HIPK2: variants seen among roughly 807,000 people sequenced by gnomAD.
HIPK2 encodes the protein homeodomain interacting protein kinase 2.
A neutral mutation model predicts 113.7 loss-of-function variants in HIPK2; 27 were observed. The ratio of observed to expected loss-of-function variants is 0.24; its 90% confidence interval spans 0.17 to 0.33. The LOEUF (loss-of-function observed/expected upper bound fraction) is 0.33. Ranked by LOEUF, HIPK2 falls within the 10% of genes least tolerant of loss-of-function variation. The probability of loss-of-function intolerance (pLI) is 1.00; values close to 1 mark genes in which losing one functional copy is unlikely to be tolerated. For missense variants in HIPK2, 1,257 were observed against 1,588.0 expected, an observed-to-expected ratio of 0.79 and a Z score of 3.54; for synonymous variants, 631 against 642.2, an observed-to-expected ratio of 0.98 and a Z score of 0.26.
At chr7:139,701,768 G>C (rs2116851623) in intron 2 of HIPK2, among the ~76,000 whole-genome samples, 1 of 152,350 alleles carries the variant, frequency 6.6e-6, no homozygotes, top group Non-Finnish European at 1.5e-5. Flanking sequence ...AATCTCTTTT[G>C]GTTATGGCAA....
At position 139,562,582 on chromosome 7, in the gene HIPK2, A is replaced by AGTC. The variant is rs1484157813; in HGVS notation, c.*10342_*10344dup. 6.6e-6 allele frequency: 1 copy of AGTC among 152,300 alleles called. No individual in the cohort carries two copies. The highest frequency in any genetic ancestry group is 1.5e-5 in the Non-Finnish European group (1 of 68,074). 9.4% of individuals were successfully genotyped at this position (152,300 alleles called of 1,614,324 possible). A position where few individuals can be genotyped will look rare whatever the true frequency, so the allele number is the denominator to read the frequency against. On this transcript the variant is annotated 3_prime_UTR_variant, in exon 15 of 15. Transcript: ENST00000406875. The stretch of plus-strand genomic sequence containing the variant: ...AAAGCAAAACGGGATGGAAACTTCC[A>AGTC]GTCACTCTGATTTGTTGCCCCCGTC...
intron 1 of HIPK2, among the ~76,000 whole-genome samples, chr7:139,770,098 C>T (rs975196195): frequency 6.6e-6 from 1 of 152,166 alleles, no homozygotes; most frequent in African/African-American, 2.4e-5. Context: ...GAGTAGATGC[C>T]GTGACACAGA....
intron 1 of HIPK2, among the ~76,000 whole-genome samples, chr7:139,749,381 C>G (rs1313176602): frequency 6.6e-6 from 1 of 152,220 alleles, no homozygotes; most frequent in Non-Finnish European, 1.5e-5. Flanking sequence ...CAGCATGGAA[C>G]AGAAAAAACC....
intron 12 of HIPK2, among the ~76,000 whole-genome samples, chr7:139,595,727 C>T (rs949227732): frequency 1.3e-5 from 2 of 152,082 alleles, no homozygotes; most frequent in Non-Finnish European, 2.9e-5. Flanking sequence ...AGAATGTTTT[C>T]ATCAGTCTAT....
intron 7 of HIPK2, among the ~76,000 whole-genome samples, chr7:139,615,459 T>C (rs1309183393): frequency 6.6e-6 from 1 of 152,226 alleles, no homozygotes; most frequent in Non-Finnish European, 1.5e-5. Context: ...CCTTTCTTTT[T>C]CAGAAAAAGA....
At position 139,749,703 on chromosome 7, in the gene HIPK2, A is replaced by G. The variant is rs62491705; in HGVS notation, c.19+27902T>C. Among the ~76,000 whole-genome samples, 844 of 152,286 alleles carry G rather than the reference A, an allele frequency of 5.5e-3. 3 individuals are homozygous for G. Among genetic ancestry groups the G allele is most frequent in the Non-Finnish European group, 0.01 (683 of 68,012 alleles). Reference sequence around the variant, plus strand: ...GCCTCTGATTACACAGCTGCACTCTAACCATTTCCTAATACTGCCTCTCAA... The same window carrying G: ...GCCTCTGATTACACAGCTGCACTCTGACCATTTCCTAATACTGCCTCTCAA... On this transcript the variant is annotated intron_variant, in intron 1 of 14. Transcript: ENST00000406875.
intron 1 of HIPK2, among the ~76,000 whole-genome samples, chr7:139,745,551 G>A (rs1282816819): frequency 1.3e-5 from 2 of 152,164 alleles, no homozygotes; most frequent in African/African-American, 2.4e-5. Flanking sequence ...AATGTCTCCA[G>A]GGAATGTCCT....
In HIPK2 at chr7:139,573,142, G is replaced by A. The variant is rs945360375; in HGVS notation, c.3382C>T (p.Arg1128Cys). 1.9e-6 allele frequency: 3 copies of A among 1,611,558 alleles called. No homozygotes were observed. Among genetic ancestry groups the A allele is most frequent in the Admixed American group, 1.7e-5 (1 of 59,780 alleles). Residue 1128 changes from arginine (R) to cysteine (C), a missense_variant, in exon 15 of 15, where the codon CGC becomes TGC. By Grantham distance (180) the Arg-to-Cys change is radical. This residue lies in a region of HIPK2 where 862 missense variants were observed against 1,004.3 expected (regional missense o/e 0.86). Transcript: ENST00000406875. ...TAGGCAGTGTGCTGCACGGTGTGGCGCGCAGAGCCTTGCGAGGCCACCAGG... is the reference window on the plus strand; with the variant it reads ...TAGGCAGTGTGCTGCACGGTGTGGCACGCAGAGCCTTGCGAGGCCACCAGG... ...AHLVASQGSA[R>C]HTVQHTAYPA...
chr7:139,699,853 G>A (rs1253645737), intron 2 of HIPK2, among the ~76,000 whole-genome samples: 3 of 152,238 alleles, frequency 2.0e-5, no homozygotes, highest in African/African-American at 7.2e-5. Flanking sequence ...ATGCACAGAT[G>A]TGCCCTCCCG....
intron 2 of HIPK2, among the ~76,000 whole-genome samples, chr7:139,709,105 C>G (rs1794990247): frequency 6.6e-6 from 1 of 152,120 alleles, no homozygotes; most frequent in Admixed American, 6.5e-5. Flanking sequence ...GATAACCTAA[C>G]AGCCTACATA....
intron 1 of HIPK2, among the ~76,000 whole-genome samples, chr7:139,757,003 C>T (rs1487618846): frequency 6.6e-6 from 1 of 152,174 alleles, no homozygotes; most frequent in Admixed American, 6.5e-5. Flanking sequence ...ATTCAAAACT[C>T]CCTTTTCCCA....
At chr7:139,768,940 C>T (rs1796599507) in intron 1 of HIPK2, among the ~76,000 whole-genome samples, 1 of 152,182 alleles carries the variant, frequency 6.6e-6, no homozygotes, top group Non-Finnish European at 1.5e-5. Flanking sequence ...ATTGCTCTGG[C>T]CTCAGATTCT....
chr7:139,669,370 A>G (rs1440176738), intron 2 of HIPK2, among the ~76,000 whole-genome samples: 1 of 152,232 alleles, frequency 6.6e-6, no homozygotes, highest in African/African-American at 2.4e-5. Context: ...TTGTGACTGT[A>G]CATAATTAAA....
chr7:139,642,926 T>G (rs977721810), intron 2 of HIPK2, among the ~76,000 whole-genome samples: 8 of 152,060 alleles, frequency 5.3e-5, no homozygotes, highest in Non-Finnish European at 5.9e-5. Flanking sequence ...GGAGAGCTGC[T>G]GCAAGGGAAC....
rs1569450524 is a variant in HIPK2 at position 139,600,518 on chromosome 7, T to C, written c.2334A>G (p.Pro778=). 6.2e-7 allele frequency: 1 copy of C among 1,614,050 alleles called. No homozygotes were observed. The highest frequency in any genetic ancestry group is 8.5e-7 in the Non-Finnish European group (1 of 1,179,904). The change falls in exon 11 of 15, where the codon CCA becomes CCG. Residue 778 remains proline (P), a synonymous_variant. Transcript: ENST00000406875. ...CACCCACATTTAAGGGCTGTGCTGC[T>C]GGAAGGGTCACATGACCGGTCAATA... The part of the protein sequence containing the change: ...PALLTGHVTL[P]AAQPLNVGVA...
At chr7:139,690,451 G>A (rs997718134) in intron 2 of HIPK2, among the ~76,000 whole-genome samples, 1 of 152,112 alleles carries the variant, frequency 6.6e-6, no homozygotes, top group Non-Finnish European at 1.5e-5. Flanking sequence ...TTTGGGTCAT[G>A]GGGACAGATC....
In HIPK2 at chr7:139,631,050, C is replaced by T; in HGVS notation, c.1347+115G>A. The T allele has an allele frequency of 7.4e-7, 1 of 1,357,266 alleles. No homozygotes were observed. The highest frequency in any genetic ancestry group is 9.9e-7 in the Non-Finnish European group (1 of 1,012,958). The allele number at this position is 1,357,266 out of a possible 1,614,324, so 84.1% of individuals were successfully genotyped here. A position where few individuals can be genotyped will look rare whatever the true frequency, so the allele number is the denominator to read the frequency against. On this transcript the variant is annotated intron_variant, in intron 4 of 14. Transcript: ENST00000406875. The surrounding 1 kb of genome is among the most constrained non-coding windows in gnomAD (Gnocchi z 4.9). Reference sequence around the variant, plus strand: ...CAGCCATACCATGTATTAACAACAGCACCCCCAGTGCCCTCATTTTGCTGA... The same window carrying T: ...CAGCCATACCATGTATTAACAACAGTACCCCCAGTGCCCTCATTTTGCTGA...
intron 14 of HIPK2, 58 bp from the exon 15 acceptor site, chr7:139,573,455 T>C (rs1798380813): frequency 6.6e-7 from 1 of 1,512,422 alleles, no homozygotes. Context: ...GAGGAAGGAA[T>C]GGGAGGAGGG....
At chr7:139,694,017 G>A (rs1382231372) in intron 2 of HIPK2, among the ~76,000 whole-genome samples, 2 of 152,146 alleles carry the variant, frequency 1.3e-5, no homozygotes, top group African/African-American at 4.8e-5. Context: ...ATTCTAAACC[G>A]AGAAGAAACT....
Sources: gnomAD v4.1 joint callset for allele counts (sites outside exome capture counted in the v4.1 genomes callset) on GRCh38, gnomAD v4.1.1 for gene constraint, gnomAD v4.1.1 regional missense constraint, Gnocchi (gnomAD v3.1) non-coding constraint, MANE v1.5 for transcripts, NCBI Gene and HGNC (gene_info 2026-07-23, HGNC 2026-07-21) for gene names.